The following CPS1 variants were observed in gnomAD, a reference collection of about 807,000 sequenced individuals.
The protein encoded by CPS1 is carbamoyl-phosphate synthase [ammonia], mitochondrial.
In CPS1, 109 loss-of-function variants were observed where a neutral mutation model predicts 174.6. That is an observed-to-expected ratio of 0.62 (90% CI 0.53 to 0.73). The LOEUF (loss-of-function observed/expected upper bound fraction) is 0.73. Among genes scored for constraint, CPS1 ranks in the 30% least tolerant of loss-of-function variants. The pLI is 0.00. For missense variants in CPS1, 1,689 were observed against 1,821.9 expected (o/e 0.93, Z 1.33); for synonymous variants, 637 against 632.0 (o/e 1.01, Z -0.12).
chr2:210,495,153 T>G (rs1694961054), intron 1 of CPS1, among the ~76,000 whole-genome samples: 1 of 152,224 alleles, frequency 6.6e-6, no homozygotes, highest in Non-Finnish European at 1.5e-5. Context: ...AGCCTCAATT[T>G]TGCTACTAAC....
At chr2:210,559,356 C>T (rs187751107) in intron 1 of CPS1, among the ~76,000 whole-genome samples, 1 of 152,118 alleles carries the variant, frequency 6.6e-6, no homozygotes, top group East Asian at 1.9e-4. Context: ...TTTGCTTTTC[C>T]TCTCTCTTTG....
In CPS1 at chr2:210,678,572, A is replaced by G. The variant is rs1701606541; in HGVS notation, c.*587A>G. ...TGAGAAATGTGACAGAGGCATTTAG[A>G]GTATGGACTTTTCTTTTCTTTTTCT... On this transcript the variant is annotated 3_prime_UTR_variant, in exon 38 of 38. Coordinates refer to ENST00000233072, the MANE Select transcript of CPS1 (RefSeq NM_001875.5). 1 of 156,014 alleles carries G rather than the reference A, an allele frequency of 6.4e-6. No individual in the cohort carries two copies. Among genetic ancestry groups the G allele is most frequent in the African/African-American group, 2.4e-5 (1 of 41,414 alleles). The allele number at this position is 156,014 out of a possible 1,614,324, so 9.7% of individuals were successfully genotyped here.
intron 1 of CPS1, among the ~76,000 whole-genome samples, chr2:210,536,411 C>T (rs1005347304): frequency 2.0e-5 from 3 of 151,040 alleles, no homozygotes; most frequent in African/African-American, 7.3e-5. Flanking sequence ...AGCTCCGCCT[C>T]CCGGGTTCAC....
rs548693543 is a variant in CPS1 at position 210,653,551 on chromosome 2, ACT to A, written c.3481-470_3481-469del. Among the ~76,000 whole-genome samples, 3 of 152,314 alleles carry A rather than the reference ACT, an allele frequency of 2.0e-5. No individual in the cohort carries two copies. The East Asian group carries it at 5.8e-4, about 29-fold the overall frequency. ...CCCAATAAGACCAAAAGAAAATGTC[ACT>A]CTCATTCTGAGTTCTCCCACAATTC... On this transcript the variant is annotated intron_variant, in intron 28 of 37. Transcript: ENST00000233072.
At chr2:210,510,029 TAAAGTTCATATGGAACC>T (rs1695418041) in intron 1 of CPS1, among the ~76,000 whole-genome samples, 2 of 152,122 alleles carry the variant, frequency 1.3e-5, no homozygotes, top group Admixed American at 6.5e-5. Flanking sequence ...AAAACTACTT[TAAAGTTCATATGGAACC>T]AAAAAAGAGC....
At position 210,642,675 on chromosome 2, in the gene CPS1, G is replaced by T; in HGVS notation, c.3141+10G>T. ...CATCTACCATCAGGAGGTAAGAAAA[G>T]AAAAACAGAAAAAAAAGAAAAAAGA... On this transcript the variant is annotated intron_variant, in intron 25 of 37. Transcript: ENST00000233072. The T allele has an allele frequency of 6.2e-7, 1 of 1,609,922 alleles. No homozygotes were observed.
At chr2:210,605,354 C>T in intron 17 of CPS1, 108 bp downstream of exon 17, 1 of 1,186,976 alleles carries the variant, frequency 8.4e-7, no homozygotes, top group East Asian at 2.4e-5. Context: ...TTCTAGTTGA[C>T]AGACTAGTGA....
In CPS1 at chr2:210,678,828, G is replaced by A. The variant is rs1427736645; in HGVS notation, c.*843G>A. ...TGTTTTTATCATTGGATTTTAACTT[G>A]GCCCGAGTGAAATAATCAGATTTTT... On this transcript the variant is annotated 3_prime_UTR_variant, in exon 38 of 38. Coordinates refer to ENST00000233072, the MANE Select transcript of CPS1 (RefSeq NM_001875.5). 1 of 152,070 alleles carries A rather than the reference G, an allele frequency of 6.6e-6. No individual in the cohort carries two copies. Among genetic ancestry groups the A allele is most frequent in the South Asian group, 2.1e-4 (1 of 4,822 alleles). 9.4% of individuals were successfully genotyped at this position (152,070 alleles called of 1,614,324 possible). A position where few individuals can be genotyped will look rare whatever the true frequency, so the allele number is the denominator to read the frequency against.
At chr2:210,641,621 G>A (rs1014466672) in intron 24 of CPS1, among the ~76,000 whole-genome samples, 2 of 152,242 alleles carry the variant, frequency 1.3e-5, no homozygotes, top group African/African-American at 4.8e-5. Flanking sequence ...GCATCTACCT[G>A]TCTACTCTCT....
In CPS1 at chr2:210,675,725, C is replaced by T. The variant is rs1419184316; in HGVS notation, c.4162-3C>T. ...GTAATTGATTTTTTCATTTTAAATG[C>T]AGCTGTTTGCCACGGAAGCCACATC... On this transcript the variant is annotated splice_polypyrimidine_tract_variant and splice_region_variant and intron_variant, in intron 35 of 37. Transcript: ENST00000233072. 1 of 1,454,866 alleles carries T rather than the reference C, an allele frequency of 6.9e-7. No individual in the cohort carries two copies. The highest frequency in any genetic ancestry group is 1.7e-5 in the Admixed American group (1 of 59,808). The allele number at this position is 1,454,866 out of a possible 1,614,324, so 90.1% of individuals were successfully genotyped here.
chr2:210,586,246 T>C (rs1574555638), intron 6 of CPS1, among the ~76,000 whole-genome samples: 1 of 152,062 alleles, frequency 6.6e-6, no homozygotes, highest in South Asian at 2.1e-4. Flanking sequence ...CTAAGAAGTA[T>C]GTGTTGTTAA....
chr2:210,602,975 G>C (rs986264187), intron 16 of CPS1, among the ~76,000 whole-genome samples: 1 of 151,856 alleles, frequency 6.6e-6, no homozygotes, highest in Admixed American at 6.6e-5. Flanking sequence ...GCATGTTAGA[G>C]GAAAACTCTT....
chr2:210,548,989 A>G (rs1268146000), intron 1 of CPS1, among the ~76,000 whole-genome samples: 3 of 152,080 alleles, frequency 2.0e-5, no homozygotes, highest in East Asian at 1.9e-4. Flanking sequence ...AATTTTCTAC[A>G]AAAGGGGGTG....
chr2:210,567,909 A>G (rs956239248), intron 1 of CPS1, among the ~76,000 whole-genome samples: 1 of 152,168 alleles, frequency 6.6e-6, no homozygotes, highest in African/African-American at 2.4e-5. Flanking sequence ...TCAAATAACT[A>G]TTTTGAAAAC....
At position 210,648,547 on chromosome 2, in the gene CPS1, CTG is replaced by C. The variant is rs557000347; in HGVS notation, c.3404+9_3404+10del. On this transcript the variant is annotated splice_region_variant and intron_variant, in intron 27 of 37. Transcript: ENST00000233072. ...GGCCTTCCTATGTTTTGAGGTAACA[CTG>C]TATATTGTTTTCCAAAACAATGATT... 610 of 1,611,554 alleles carry C rather than the reference CTG, an allele frequency of 3.8e-4. 5 individuals carry two copies. In the South Asian group the frequency reaches 6.3e-3, roughly 17 times the overall value.
At chr2:210,658,241 AT>A (rs1700786993) in intron 30 of CPS1, 1 of 309,228 alleles carries the variant, frequency 3.2e-6, no homozygotes, top group Non-Finnish European at 6.3e-6. Flanking sequence ...AGGTCATTAC[AT>A]TGATATAGAG....
At chr2:210,670,578 C>A (rs917001330) in intron 34 of CPS1, among the ~76,000 whole-genome samples, 3 of 152,000 alleles carry the variant, frequency 2.0e-5, no homozygotes, top group Non-Finnish European at 2.9e-5. Context: ...GTCAGAAGAA[C>A]TCATATAAAC....
At chr2:210,613,077 C>T (rs1243368897) in intron 20 of CPS1, among the ~76,000 whole-genome samples, 1 of 151,888 alleles carries the variant, frequency 6.6e-6, no homozygotes, top group Non-Finnish European at 1.5e-5. Flanking sequence ...CGCACTGGTT[C>T]TACAAAGCTC....
rs1700636770 is a variant in CPS1, at chr2:210,654,072, A to G, written c.3528A>G (p.Val1176=). 1 of 1,614,050 alleles carries G rather than the reference A, an allele frequency of 6.2e-7. No homozygotes were observed. The highest frequency in any genetic ancestry group is 8.5e-7 in the Non-Finnish European group (1 of 1,179,902). The change falls in exon 29 of 38, where the codon GTA becomes GTG. Residue 1176 remains valine (V), a synonymous_variant. Coordinates refer to ENST00000233072, the MANE Select transcript of CPS1 (RefSeq NM_001875.5). ...AATTTGTTGAAGGGGCCCGAGAAGT[A>G]GAAATGGACGCTGTTGGCAAAGATG... ...LTKFVEGARE[V]EMDAVGKDGR...
Sources: allele counts gnomAD v4.1 joint callset (sites outside exome capture counted in the v4.1 genomes callset), GRCh38; gene constraint gnomAD v4.1.1; transcripts MANE v1.5; gene names NCBI Gene and HGNC (gene_info 2026-07-23, HGNC 2026-07-21).